The following CERS6 variants were observed in gnomAD, a reference collection of about 807,000 sequenced individuals.
The protein encoded by CERS6 is ceramide synthase 6, also known as LAG1 homolog, ceramide synthase 6.
CERS6 carries 26 observed loss-of-function variants against 56.8 expected under a neutral mutation model. The ratio of observed to expected loss-of-function variants is 0.46; its 90% CI spans 0.34 to 0.63. The LOEUF is 0.63. Among genes scored for constraint, CERS6 ranks in the 30% least tolerant of loss-of-function variants. CERS6 has a pLI of 0.01. For missense variants in CERS6, 415 were observed against 467.5 expected, an observed-to-expected ratio of 0.89 and a Z score of 1.04; for synonymous variants, 164 against 173.3, an observed-to-expected ratio of 0.95 and a Z score of 0.42.
intron 4 of CERS6, among the ~76,000 whole-genome samples, chr2:168,670,751 A>G (rs551256613): frequency 6.6e-6 from 1 of 152,094 alleles, no homozygotes; most frequent in Non-Finnish European, 1.5e-5. Flanking sequence ...GACATTTCAT[A>G]TGCCCCTTTC....
At chr2:168,568,835 A>G (rs946112741) in intron 3 of CERS6, among the ~76,000 whole-genome samples, 7 of 152,356 alleles carry the variant, frequency 4.6e-5, no homozygotes, top group South Asian at 2.1e-4. Context: ...TCGCACAACA[A>G]AAGAAAATAA....
chr2:168,645,142 T>TATATATAGAGAG (rs753700977), intron 4 of CERS6, among the ~76,000 whole-genome samples: 1 of 12,746 alleles, frequency 7.8e-5, no homozygotes, highest in Admixed American at 1.4e-3. Flanking sequence ...TATATATATA[T>TATATATAGAGAG]AGAGAGAGAG....
chr2:168,456,736 C>T lies in CERS6; in HGVS notation c.170+118C>T. On this transcript the variant is annotated intron_variant, in intron 1 of 9. Transcript: ENST00000305747. This position sits in a 1 kb window ranked among gnomAD's most constrained non-coding sequence, Gnocchi z 4.1. The stretch of plus-strand genomic sequence containing the variant: ...CAACGCTCGCGTTCACGCCTCCCAA[C>T]CTTTGTGTTCGGGGAGGGGTTGCTG... 1 of 953,862 alleles carries T rather than the reference C, an allele frequency of 1.0e-6. No individual in the cohort carries two copies. The highest frequency in any genetic ancestry group is 1.6e-6 in the Non-Finnish European group (1 of 639,748). The allele number at this position is 953,862 out of a possible 1,614,324, so 59.1% of individuals were successfully genotyped here.
At chr2:168,647,335 G>A (rs907026983) in intron 4 of CERS6, among the ~76,000 whole-genome samples, 6 of 152,112 alleles carry the variant, frequency 3.9e-5, no homozygotes, top group African/African-American at 1.2e-4. Context: ...TGTTGTTGGT[G>A]TATAGGAATG....
intron 1 of CERS6, among the ~76,000 whole-genome samples, chr2:168,504,571 C>G (rs1475688439): frequency 6.6e-6 from 1 of 152,076 alleles, no homozygotes; most frequent in Non-Finnish European, 1.5e-5. Context: ...GACAGGGATG[C>G]TGAAAGAGGT....
intron 3 of CERS6, among the ~76,000 whole-genome samples, chr2:168,566,588 A>T (rs535224241): frequency 6.6e-6 from 1 of 152,206 alleles, no homozygotes; most frequent in South Asian, 2.1e-4. Context: ...TCTAAATAGC[A>T]GTTTTTACAG....
intron 4 of CERS6, among the ~76,000 whole-genome samples, chr2:168,688,839 AG>A (rs1457483812): frequency 6.6e-6 from 1 of 152,172 alleles, no homozygotes; most frequent in Non-Finnish European, 1.5e-5. Context: ...CTGTTTCTGC[AG>A]TTCAGTCAGG....
chr2:168,734,207 T>G (rs1025243875), intron 8 of CERS6, among the ~76,000 whole-genome samples: 1 of 151,962 alleles, frequency 6.6e-6, no homozygotes, highest in Non-Finnish European at 1.5e-5. Flanking sequence ...CAAAAAGAGA[T>G]AGTGGACGTA....
intron 8 of CERS6, among the ~76,000 whole-genome samples, chr2:168,725,539 C>T (rs1229269875): frequency 1.3e-5 from 2 of 152,244 alleles, no homozygotes; most frequent in Non-Finnish European, 1.5e-5. Flanking sequence ...ACTGTTGATA[C>T]AATTAACAAC....
intron 8 of CERS6, among the ~76,000 whole-genome samples, chr2:168,741,805 G>A (rs1423437389): frequency 6.6e-6 from 1 of 152,238 alleles, no homozygotes; most frequent in Admixed American, 6.5e-5. Context: ...CTGTCCACAT[G>A]TGGAGAGCAG....
At chr2:168,652,751 C>G (rs971203075) in intron 4 of CERS6, among the ~76,000 whole-genome samples, 4 of 152,024 alleles carry the variant, frequency 2.6e-5, no homozygotes, top group Non-Finnish European at 5.9e-5. Flanking sequence ...GGAAATCTGG[C>G]CCTTTCCCCA....
intron 1 of CERS6, among the ~76,000 whole-genome samples, chr2:168,489,601 C>A (rs1022165638): frequency 6.6e-6 from 1 of 151,094 alleles, no homozygotes; most frequent in Non-Finnish European, 1.5e-5. Flanking sequence ...CATATTGGAT[C>A]ATTTCACTGA....
At position 168,691,834 on chromosome 2, in the gene CERS6, C is replaced by T. The variant is rs962319110; in HGVS notation, c.516+750C>T. On this transcript the variant is annotated intron_variant, in intron 5 of 9. Coordinates refer to ENST00000305747, the MANE Select transcript of CERS6 (RefSeq NM_203463.3). ...ATATATTATGTAAGAGAAGCAAATG[C>T]AGCTAGGTATTTTGTGACAACATGA... 2.0e-5 allele frequency among the ~76,000 whole-genome samples: 3 copies of T among 152,180 alleles called. No homozygotes were observed. The South Asian group carries it at 6.2e-4, about 32-fold the overall frequency.
intron 8 of CERS6, among the ~76,000 whole-genome samples, chr2:168,740,555 C>T (rs894461681): frequency 6.6e-6 from 1 of 152,154 alleles, no homozygotes; most frequent in Non-Finnish European, 1.5e-5. Flanking sequence ...CTGTTAACAT[C>T]CAACCTTTTC....
chr2:168,621,345 T>C (rs1418033050), intron 3 of CERS6, among the ~76,000 whole-genome samples: 1 of 152,228 alleles, frequency 6.6e-6, no homozygotes, highest in Non-Finnish European at 1.5e-5. Flanking sequence ...TATTCCCTTT[T>C]TTATCCTTAC....
chr2:168,701,106 T>C (rs1169273074), intron 6 of CERS6, among the ~76,000 whole-genome samples: 1 of 152,184 alleles, frequency 6.6e-6, no homozygotes, highest in Non-Finnish European at 1.5e-5. Context: ...GGCTGCTCCG[T>C]CAGCCTGGGT....
At chr2:168,711,742 A>G (rs1443682739) in intron 6 of CERS6, among the ~76,000 whole-genome samples, 2 of 151,686 alleles carry the variant, frequency 1.3e-5, no homozygotes, top group East Asian at 3.9e-4. Flanking sequence ...AAAAAAAAAA[A>G]AAAAAAAGTA....
intron 2 of CERS6, among the ~76,000 whole-genome samples, chr2:168,556,375 T>C (rs991131429): frequency 6.6e-6 from 1 of 152,108 alleles, no homozygotes; most frequent in Non-Finnish European, 1.5e-5. Context: ...ACGAGAAAAA[T>C]ACATCACACT....
intron 4 of CERS6, among the ~76,000 whole-genome samples, chr2:168,638,517 C>G (rs1274289440): frequency 6.6e-6 from 1 of 151,596 alleles, no homozygotes; most frequent in Non-Finnish European, 1.5e-5. Flanking sequence ...AACAAAAATT[C>G]AATTCAGGGA....
Sources: gnomAD v4.1 joint callset for allele counts (sites outside exome capture counted in the v4.1 genomes callset) on GRCh38, gnomAD v4.1.1 for gene constraint, Gnocchi (gnomAD v3.1) non-coding constraint, MANE v1.5 for transcripts, NCBI Gene and HGNC (gene_info 2026-07-23, HGNC 2026-07-21) for gene names.